MS4A4A: variants seen among roughly 807,000 people sequenced by gnomAD.
MS4A4A encodes the protein membrane-spanning 4-domains subfamily A member 4A.
In MS4A4A, 26 loss-of-function variants were observed where a neutral mutation model predicts 28.0. That is an observed-to-expected ratio of 0.93 (90% CI 0.68 to 1.29). The LOEUF (loss-of-function observed/expected upper bound fraction) is 1.29. Among genes scored for constraint, MS4A4A ranks in the 50% most tolerant of loss-of-function variants. The pLI is 0.00. For missense variants in MS4A4A, 290 were observed against 293.1 expected, an observed-to-expected ratio of 0.99 and a Z score of 0.08; for synonymous variants, 86 against 100.8, an observed-to-expected ratio of 0.85 and a Z score of 0.88.
intron 1 of MS4A4A, among the ~76,000 whole-genome samples, chr11:60,288,666 TG>T (rs1590751973): frequency 2.0e-5 from 3 of 152,116 alleles, no homozygotes; most frequent in Admixed American, 6.5e-5. Flanking sequence ...CTCTAGACAC[TG>T]GGATGGTAGG....
At chr11:60,299,448 C>T (rs376142056) in intron 3 of MS4A4A, among the ~76,000 whole-genome samples, 393 of 112,956 alleles carry the variant, frequency 3.5e-3, no homozygotes, top group Middle Eastern at 6.8e-3. Context: ...AATTACAATT[C>T]TTTTTTTTTT....
Position 60,308,504 on chromosome 11 carries a change from A to G in MS4A4A, c.*326A>G, listed in dbSNP as rs2085027179. 1 of 239,188 alleles carries G rather than the reference A, an allele frequency of 4.2e-6. No individual in the cohort carries two copies. The highest frequency in any genetic ancestry group is 5.5e-5 in the Admixed American group (1 of 18,228). 14.8% of individuals were successfully genotyped at this position (239,188 alleles called of 1,614,324 possible). ...CATCATAAGAACTTTATATAAAGGC[A>G]TTACATTGGCAAATAAGGTTTGGAA... On this transcript the variant is annotated 3_prime_UTR_variant, in exon 7 of 7. Coordinates refer to ENST00000337908, the MANE Select transcript of MS4A4A (RefSeq NM_148975.3).
intron 1 of MS4A4A, among the ~76,000 whole-genome samples, chr11:60,282,147 T>C (rs1325184494): frequency 2.0e-5 from 3 of 152,126 alleles, no homozygotes; most frequent in African/African-American, 2.4e-5. Flanking sequence ...TGGGAAAGCA[T>C]AGGAGTCAGT....
chr11:60,289,207 G>A (rs1452911970), intron 1 of MS4A4A, among the ~76,000 whole-genome samples: 2 of 152,200 alleles, frequency 1.3e-5, no homozygotes, highest in African/African-American at 2.4e-5. Context: ...GGAGGCCAGG[G>A]CATAGTGTCA....
At chr11:60,289,595 ATGTG>A (rs34230139) in intron 1 of MS4A4A, among the ~76,000 whole-genome samples, 29,356 of 127,810 alleles carry the variant, frequency 0.23, 2,937 homozygotes, top group Middle Eastern at 0.3. Flanking sequence ...GTGTGTGTGT[ATGTG>A]TGTGTGTGTG....
chr11:60,285,347 T>A (rs911521224), intron 1 of MS4A4A, among the ~76,000 whole-genome samples: 4 of 151,998 alleles, frequency 2.6e-5, no homozygotes, highest in Middle Eastern at 3.2e-3. Flanking sequence ...CTACAAAAAA[T>A]ACAAAAATTA....
At chr11:60,301,343 C>T (rs1372191295) in intron 4 of MS4A4A, among the ~76,000 whole-genome samples, 2 of 152,116 alleles carry the variant, frequency 1.3e-5, no homozygotes, top group Non-Finnish European at 2.9e-5. Flanking sequence ...TCCAACAAAA[C>T]CCTGCAGCAT....
intron 5 of MS4A4A, among the ~76,000 whole-genome samples, chr11:60,304,202 G>A (rs1017392559): frequency 2.2e-4 from 33 of 151,986 alleles, no homozygotes; most frequent in Non-Finnish European, 4.6e-4. Flanking sequence ...TTTAGTTTAC[G>A]AAGTTCTCTT....
chr11:60,282,852 G>A (rs2084767464), intron 1 of MS4A4A: 3 of 755,692 alleles, frequency 4.0e-6, no homozygotes, highest in Non-Finnish European at 5.4e-6. Context: ...TAAAGGGGAT[G>A]GTGACTCAAT....
chr11:60,307,350 A>G (rs2085012413), intron 6 of MS4A4A, among the ~76,000 whole-genome samples: 1 of 152,200 alleles, frequency 6.6e-6, no homozygotes, highest in Admixed American at 6.5e-5. Context: ...TAACTCTAAT[A>G]GTGGGTTTTT....
intron 1 of MS4A4A, among the ~76,000 whole-genome samples, chr11:60,289,186 G>A (rs906534407): frequency 2.0e-5 from 3 of 152,194 alleles, no homozygotes; most frequent in African/African-American, 7.2e-5. Context: ...CACAGTAGCA[G>A]CTCAGGCCAT....
At position 60,308,317 on chromosome 11, in the gene MS4A4A, T is replaced by C; in HGVS notation, c.*139T>C. On this transcript the variant is annotated 3_prime_UTR_variant, in exon 7 of 7. Coordinates refer to ENST00000337908, the MANE Select transcript of MS4A4A (RefSeq NM_148975.3). ...ATTATTATTATATGTAATCCAATTA[T>C]GAACTGTGTGTGTATAGAGAGATAA... 2 of 733,326 alleles carry C rather than the reference T, an allele frequency of 2.7e-6. No individual in the cohort carries two copies. Among genetic ancestry groups the C allele is most frequent in the Non-Finnish European group, 4.5e-6 (2 of 441,346 alleles). The allele number at this position is 733,326 out of a possible 1,614,324, so 45.4% of individuals were successfully genotyped here. A position where few individuals can be genotyped will look rare whatever the true frequency, so the allele number is the denominator to read the frequency against.
In MS4A4A at chr11:60,306,202, G is replaced by T. The variant is rs1403788639; in HGVS notation, c.648+1G>T. On this transcript the variant is annotated splice_donor_variant, in intron 6 of 6. Coordinates refer to ENST00000337908, the MANE Select transcript of MS4A4A (RefSeq NM_148975.3). LOFTEE classifies it high-confidence loss of function. ...AGTGCTCTGTTGTACCCCTGGTGGG[G>T]TGAGTATTGGCCTTCATTTGAAGAT... 1 of 1,607,282 alleles carries T rather than the reference G, an allele frequency of 6.2e-7. No individual in the cohort carries two copies. Among genetic ancestry groups the T allele is most frequent in the Non-Finnish European group, 8.5e-7 (1 of 1,173,810 alleles).
At chr11:60,284,924 A>T (rs376166038) in intron 1 of MS4A4A, among the ~76,000 whole-genome samples, 13 of 152,380 alleles carry the variant, frequency 8.5e-5, no homozygotes, top group African/African-American at 2.9e-4. Flanking sequence ...TAAAGCCCAT[A>T]AATTAACAAT....
rs2084870376 is a variant in MS4A4A at position 60,292,908 on chromosome 11, A to G, written c.201+524A>G. The stretch of plus-strand genomic sequence containing the variant: ...GGATATTAAATATAGGTTTATCACT[A>G]GCCCAAGCTTCAAACCACGGGAAAA... On this transcript the variant is annotated intron_variant, in intron 2 of 6. Transcript: ENST00000337908. 2.0e-5 allele frequency among the ~76,000 whole-genome samples: 3 copies of G among 152,230 alleles called. No individual in the cohort carries two copies. In the South Asian group the frequency reaches 6.2e-4, roughly 32 times the overall value.
At chr11:60,281,504 C>A (rs746339962) in intron 1 of MS4A4A, among the ~76,000 whole-genome samples, 67 of 152,178 alleles carry the variant, frequency 4.4e-4, no homozygotes, top group South Asian at 4.1e-4. Context: ...CTAGCCCGGG[C>A]CTTTCCCCCT....
At chr11:60,286,251 CAT>C (rs1037811327) in intron 1 of MS4A4A, among the ~76,000 whole-genome samples, 10 of 152,200 alleles carry the variant, frequency 6.6e-5, no homozygotes, top group South Asian at 4.1e-4. Flanking sequence ...TTCAAACACA[CAT>C]GTTTTACAAT....
At chr11:60,289,666 G>C (rs1394169775) in intron 1 of MS4A4A, among the ~76,000 whole-genome samples, 1 of 151,192 alleles carries the variant, frequency 6.6e-6, no homozygotes, top group Non-Finnish European at 1.5e-5. Flanking sequence ...GGCCTTCTTG[G>C]TGACATTCTT....
chr11:60,295,637 C>A (rs2084899248), intron 2 of MS4A4A, among the ~76,000 whole-genome samples: 1 of 152,028 alleles, frequency 6.6e-6, no homozygotes, highest in Non-Finnish European at 1.5e-5. Flanking sequence ...CACAAATATT[C>A]TTTATCAACC....
Sources: allele counts gnomAD v4.1 joint callset (sites outside exome capture counted in the v4.1 genomes callset), GRCh38; gene constraint gnomAD v4.1.1; transcripts MANE v1.5; gene names NCBI Gene and HGNC (gene_info 2026-07-23, HGNC 2026-07-21).